Variants in KIAA0319 observed in about 807,000 individuals in gnomAD.
The protein encoded by KIAA0319 is KIAA0319.
Under a neutral mutation model 108.4 loss-of-function variants are expected in KIAA0319, and 83 were observed. The observed-to-expected ratio is 0.77, with a 90% confidence interval of 0.64 to 0.92. The LOEUF is 0.92. Ranked by LOEUF, KIAA0319 falls within the 40% of genes least tolerant of loss-of-function variation. The pLI is 0.00. For missense variants in KIAA0319, 1,195 were observed against 1,322.4 expected, an observed-to-expected ratio of 0.90 and a Z score of 1.49; for synonymous variants, 484 against 510.4, an observed-to-expected ratio of 0.95 and a Z score of 0.70.
intron 19 of KIAA0319, 125 bp downstream of exon 19, chr6:24,554,416 G>A (rs1265472508): frequency 1.6e-5 from 11 of 704,144 alleles, no homozygotes; most frequent in Admixed American, 2.5e-5. Context: ...TATGCTTTGT[G>A]GCAGAAAGTG....
At chr6:24,607,011 A>G (rs1460175326) in intron 1 of KIAA0319, among the ~76,000 whole-genome samples, 1 of 152,210 alleles carries the variant, frequency 6.6e-6, no homozygotes, top group South Asian at 2.1e-4. Flanking sequence ...TTCTTGAGGA[A>G]AAAATAAACT....
At position 24,547,404 on chromosome 6, in the gene KIAA0319, CGTT is replaced by C. The variant is rs1370395011; in HGVS notation, c.3041-64_3041-62del. Reference sequence around the variant, plus strand: ...CCGTGATTCACTTCCAGCTGTCAGTCGTTGTGGTTGCAGGTCCTGTGATGGGCA... The same window carrying C: ...CCGTGATTCACTTCCAGCTGTCAGTCGTGGTTGCAGGTCCTGTGATGGGCA... On this transcript the variant is annotated intron_variant, in intron 20 of 20. Transcript: ENST00000378214. 5.4e-6 allele frequency: 8 copies of C among 1,474,866 alleles called. No individual in the cohort carries two copies. The African/African-American group carries it at 5.6e-5, about 10-fold the overall frequency. 91.4% of individuals were successfully genotyped at this position (1,474,866 alleles called of 1,614,324 possible).
At chr6:24,644,696 T>C (rs1452686891) in intron 1 of KIAA0319, among the ~76,000 whole-genome samples, 1 of 152,218 alleles carries the variant, frequency 6.6e-6, no homozygotes, top group Non-Finnish European at 1.5e-5. Context: ...CTATTTTTAA[T>C]TCATAAAGAT....
At chr6:24,624,773 G>A (rs1404418173) in intron 1 of KIAA0319, among the ~76,000 whole-genome samples, 4 of 152,164 alleles carry the variant, frequency 2.6e-5, no homozygotes, top group African/African-American at 4.8e-5. Flanking sequence ...ATGCATTCAA[G>A]TGAGATTTGG....
chr6:24,613,260 G>C (rs572132328), intron 1 of KIAA0319, among the ~76,000 whole-genome samples: 1 of 152,268 alleles, frequency 6.6e-6, no homozygotes, highest in East Asian at 1.9e-4. Context: ...GAATCTGCGC[G>C]TAACACAGAG....
chr6:24,576,386 G>T lies in KIAA0319; in HGVS notation c.1716C>A (p.Gly572=). 1 of 1,614,014 alleles carries T rather than the reference G, an allele frequency of 6.2e-7. No homozygotes were observed. Among genetic ancestry groups the T allele is most frequent in the Non-Finnish European group, 8.5e-7 (1 of 1,179,896 alleles). Residue 572 remains glycine, a synonymous_variant, in exon 10 of 21, where the codon GGC becomes GGA. Coordinates refer to ENST00000378214, the MANE Select transcript of KIAA0319 (RefSeq NM_014809.4). ...YEWSLGPGSE[G]KHVVMQGVQT... ...AACTTGCCTGCATGACCACATGTTTGCCCTCACTCCCAGGACCCAGGGACC... is the reference window on the plus strand; with the variant it reads ...AACTTGCCTGCATGACCACATGTTTTCCCTCACTCCCAGGACCCAGGGACC...
intron 3 of KIAA0319, among the ~76,000 whole-genome samples, chr6:24,594,277 AG>A (rs1397033059): frequency 1.3e-5 from 2 of 150,680 alleles, no homozygotes; most frequent in Non-Finnish European, 3.0e-5. Flanking sequence ...ATTATAAGTA[AG>A]GAAAAATATA....
intron 18 of KIAA0319, among the ~76,000 whole-genome samples, chr6:24,555,977 T>C (rs1237393663): frequency 6.6e-6 from 1 of 152,134 alleles, no homozygotes; most frequent in Non-Finnish European, 1.5e-5. Flanking sequence ...AATTTTCTCA[T>C]TAGGAAGTTT....
At chr6:24,608,701 C>A (rs957389727) in intron 1 of KIAA0319, among the ~76,000 whole-genome samples, 1 of 151,704 alleles carries the variant, frequency 6.6e-6, no homozygotes, top group Non-Finnish European at 1.5e-5. Flanking sequence ...GAGGCCGAGG[C>A]GGGCGGATCA....
intron 1 of KIAA0319, among the ~76,000 whole-genome samples, chr6:24,637,867 T>A (rs761671756): frequency 2.0e-5 from 3 of 151,440 alleles, no homozygotes; most frequent in Non-Finnish European, 4.4e-5. Flanking sequence ...ACCCCAGGTC[T>A]GCTTGGTAGA....
intron 2 of KIAA0319, 64 bp downstream of exon 2, chr6:24,600,985 G>C: frequency 6.2e-7 from 1 of 1,603,492 alleles, no homozygotes; most frequent in Non-Finnish European, 8.5e-7. Context: ...GTTGATCTGA[G>C]TTGCTTACAC....
At position 24,582,287 on chromosome 6, in the gene KIAA0319, T is replaced by C. The variant is rs1766692810; in HGVS notation, c.1153A>G (p.Ile385Val). The C allele has an allele frequency of 1.2e-6, 2 of 1,611,986 alleles. No homozygotes were observed. Among genetic ancestry groups the C allele is most frequent in the Non-Finnish European group, 1.7e-6 (2 of 1,178,216 alleles). The change falls in exon 6 of 21, where the codon ATA becomes GTA. Residue 385 changes from isoleucine (I) to valine (V), a missense_variant. Ile to Val is a conservative substitution (Grantham distance 29). Transcript: ENST00000378214. ...AGAGTTTGCTTGTGTCCTTGTTTTA[T>C]TTCACCTTGGTAGTCTGTGGGGTGG... ...ISHPTDYQGE[I>V]KQGHKQTLNL...
intron 1 of KIAA0319, among the ~76,000 whole-genome samples, chr6:24,640,540 T>C (rs965121669): frequency 1.3e-5 from 2 of 152,190 alleles, no homozygotes; most frequent in African/African-American, 4.8e-5. Flanking sequence ...AAGAACTATA[T>C]AGGTGACATT....
At chr6:24,587,280 CT>C (rs147658566) in intron 4 of KIAA0319, among the ~76,000 whole-genome samples, 3 of 150,042 alleles carry the variant, frequency 2.0e-5, no homozygotes, top group Non-Finnish European at 3.0e-5. Flanking sequence ...CTTTTTTTTC[CT>C]TTTTTTTTGG....
In KIAA0319 at chr6:24,609,586, A is replaced by C. The variant is rs113307213; in HGVS notation, c.-105-8378T>G. On this transcript the variant is annotated intron_variant, in intron 1 of 20. Coordinates refer to ENST00000378214, the MANE Select transcript of KIAA0319 (RefSeq NM_014809.4). Reference sequence around the variant, plus strand: ...AGCGAGATTCTGTCTCAAAACCAACAAACAAACAAACAAACAAAAATCAGT... The same window carrying C: ...AGCGAGATTCTGTCTCAAAACCAACCAACAAACAAACAAACAAAAATCAGT... Among the ~76,000 whole-genome samples, 240 of 152,264 alleles carry C rather than the reference A, an allele frequency of 1.6e-3. 1 individual carries two copies. Among genetic ancestry groups the C allele is most frequent in the Middle Eastern group, 0.01 (3 of 294 alleles).
chr6:24,588,702 G>T lies in KIAA0319; in HGVS notation c.885C>A (p.Val295=). 6.2e-7 allele frequency: 1 copy of T among 1,614,028 alleles called. No homozygotes were observed. The highest frequency in any genetic ancestry group is 1.1e-5 in the South Asian group (1 of 91,076). ...VTVEKSPVLT[V]TPGSTEHSIP... ...TGCTGTGCTCTGTACTCCCCGGGGT[G>T]ACTGTGAGCACTGGGCTTTTCTCCA... is the stretch of plus-strand genomic sequence containing the variant. The change falls in exon 4 of 21, where the codon GTC becomes GTA. Residue 295 remains valine (V), a synonymous_variant. Coordinates refer to ENST00000378214, the MANE Select transcript of KIAA0319 (RefSeq NM_014809.4).
chr6:24,576,665 A>C (rs1765583377), intron 9 of KIAA0319, 69 bp from the exon 10 acceptor site: 1 of 1,237,402 alleles, frequency 8.1e-7, no homozygotes, highest in African/African-American at 1.5e-5. Flanking sequence ...CACGCCTGTA[A>C]TCCCAACACT....
At position 24,612,699 on chromosome 6, in the gene KIAA0319, A is replaced by G. The variant is rs546215871; in HGVS notation, c.-105-11491T>C. Among the ~76,000 whole-genome samples the G allele has an allele frequency of 2.0e-5, 3 of 152,324 alleles. No homozygotes were observed. The South Asian group carries it at 6.2e-4, about 32-fold the overall frequency. On this transcript the variant is annotated intron_variant, in intron 1 of 20. Transcript: ENST00000378214. ...CGAATGGGGTGGGAAAAATATAAAT[A>G]TAAATTTGCTAGAAAATGTATAAAA...
At chr6:24,643,104 C>T (rs1346994626) in intron 1 of KIAA0319, among the ~76,000 whole-genome samples, 2 of 152,214 alleles carry the variant, frequency 1.3e-5, no homozygotes, top group Non-Finnish European at 1.5e-5. Context: ...ATAACTAAAA[C>T]TTGAACACTA....
Sources: gnomAD v4.1 joint callset for allele counts (sites outside exome capture counted in the v4.1 genomes callset) on GRCh38, gnomAD v4.1.1 for gene constraint, MANE v1.5 for transcripts, NCBI Gene and HGNC (gene_info 2026-07-23, HGNC 2026-07-21) for gene names.